Variants in RNF220 observed in about 807,000 individuals in gnomAD.
The protein encoded by RNF220 is E3 ubiquitin-protein ligase RNF220.
RNF220 carries 7 observed loss-of-function variants against 67.1 expected under a neutral mutation model. That is an observed-to-expected ratio of 0.10 (90% confidence interval 0.06 to 0.20). The LOEUF (loss-of-function observed/expected upper bound fraction) is 0.20. Ranked by LOEUF, RNF220 falls within the 10% of genes least tolerant of loss-of-function variation. RNF220 has a pLI of 1.00. For missense variants in RNF220, 565 were observed against 740.3 expected (o/e 0.76, Z 2.75); for synonymous variants, 270 against 283.2 (o/e 0.95, Z 0.47).
rs1488897062 is a variant in RNF220 at position 44,632,113 on chromosome 1, C to T, written c.907-230C>T. The T allele has an allele frequency of 9.5e-6, 14 of 1,480,164 alleles. No homozygotes were observed. The Admixed American group carries it at 2.5e-4, about 27-fold the overall frequency. 91.7% of individuals were successfully genotyped at this position (1,480,164 alleles called of 1,614,324 possible). ...GGAGGCCAGGGCTGGGGCGGCACCG[C>T]GCAGCGGCCACGGGGTCCCGTTAGA... On this transcript the variant is annotated intron_variant, in intron 5 of 14. Coordinates refer to ENST00000361799, the MANE Select transcript of RNF220 (RefSeq NM_018150.4).
chr1:44,535,203 C>T (rs558312260), intron 2 of RNF220, among the ~76,000 whole-genome samples: 36 of 145,086 alleles, frequency 2.5e-4, no homozygotes, highest in Admixed American at 1.6e-3. Context: ...TGCAGTGGCA[C>T]GATTTCAGCT....
chr1:44,544,611 G>A lies in RNF220; in HGVS notation c.626-69554G>A, dbSNP rs117851110. Among the ~76,000 whole-genome samples, 275 of 152,340 alleles carry A rather than the reference G, an allele frequency of 1.8e-3. 2 individuals are homozygous for A. Among genetic ancestry groups the A allele is most frequent in the Non-Finnish European group, 2.9e-3 (199 of 68,034 alleles). Reference sequence around the variant, plus strand: ...TGAGGGCTCTATAGAACTGTCCTCCGGAGAAGGAGGGAAGTGCATCTCTAG... The same window carrying A: ...TGAGGGCTCTATAGAACTGTCCTCCAGAGAAGGAGGGAAGTGCATCTCTAG... On this transcript the variant is annotated intron_variant, in intron 2 of 14. Coordinates refer to ENST00000361799, the MANE Select transcript of RNF220 (RefSeq NM_018150.4).
chr1:44,566,269 C>A (rs1244814110), intron 2 of RNF220, among the ~76,000 whole-genome samples: 2 of 152,172 alleles, frequency 1.3e-5, no homozygotes, highest in African/African-American at 2.4e-5. Flanking sequence ...CTGGGGTCGA[C>A]CTTCCAGTTC....
At chr1:44,413,387 T>G (rs1648184674) in intron 2 of RNF220, among the ~76,000 whole-genome samples, 1 of 152,248 alleles carries the variant, frequency 6.6e-6, no homozygotes, top group South Asian at 2.1e-4. Flanking sequence ...ACGGTTGACC[T>G]GTGTGACTGC....
chr1:44,505,922 C>T (rs1658375739), intron 2 of RNF220, among the ~76,000 whole-genome samples: 1 of 152,082 alleles, frequency 6.6e-6, no homozygotes, highest in Non-Finnish European at 1.5e-5. Context: ...CAGTCTCCGC[C>T]CTACTCTGGT....
At chr1:44,485,249 T>C (rs1474596855) in intron 2 of RNF220, among the ~76,000 whole-genome samples, 1 of 152,220 alleles carries the variant, frequency 6.6e-6, no homozygotes, top group Admixed American at 6.5e-5. Flanking sequence ...ATTTTATATT[T>C]GAGGCAAATG....
At chr1:44,470,731 C>G (rs1422173943) in intron 2 of RNF220, among the ~76,000 whole-genome samples, 6 of 152,216 alleles carry the variant, frequency 3.9e-5, no homozygotes, top group South Asian at 2.1e-4. Context: ...CCTTAAACTT[C>G]TTGCTCTCTA....
chr1:44,439,541 T>G (rs1651344013), intron 2 of RNF220, among the ~76,000 whole-genome samples: 1 of 152,046 alleles, frequency 6.6e-6, no homozygotes, highest in South Asian at 2.1e-4. Flanking sequence ...TTTTATTTAT[T>G]TTTATTTTAT....
At position 44,632,403 on chromosome 1, in the gene RNF220, C is replaced by CCCGG; in HGVS notation, c.949+19_949+20insCGGC. On this transcript the variant is annotated intron_variant, in intron 6 of 14. Coordinates refer to ENST00000361799, the MANE Select transcript of RNF220 (RefSeq NM_018150.4). ...ACTGAATGGTGAGTCCTGCCCGGCCCCTCCCTCCGCCCCACCCCCGGCCTC... is the reference window on the plus strand; with the variant it reads ...ACTGAATGGTGAGTCCTGCCCGGCCCCCGGCTCCCTCCGCCCCACCCCCGGCCTC... The CCCGG allele has an allele frequency of 2.5e-6, 4 of 1,604,548 alleles. No homozygotes were observed. The highest frequency in any genetic ancestry group is 3.4e-6 in the Non-Finnish European group (4 of 1,175,150).
chr1:44,559,849 G>A (rs1429632287), intron 2 of RNF220, among the ~76,000 whole-genome samples: 1 of 152,236 alleles, frequency 6.6e-6, no homozygotes, highest in African/African-American at 2.4e-5. Flanking sequence ...CATAATTTCT[G>A]AAGAACTTTG....
At chr1:44,583,656 G>A (rs573338026) in intron 2 of RNF220, among the ~76,000 whole-genome samples, 2 of 152,328 alleles carry the variant, frequency 1.3e-5, no homozygotes, top group East Asian at 3.9e-4. Flanking sequence ...ATCAGTAGAA[G>A]GCATTATTCA....
At chr1:44,557,108 T>G (rs1214655306) in intron 2 of RNF220, among the ~76,000 whole-genome samples, 46 of 148,030 alleles carry the variant, frequency 3.1e-4, no homozygotes, top group Non-Finnish European at 4.5e-5. Flanking sequence ...TATATATGTA[T>G]GTATATGTAT....
At chr1:44,483,856 C>T (rs1439291308) in intron 2 of RNF220, among the ~76,000 whole-genome samples, 1 of 152,194 alleles carries the variant, frequency 6.6e-6, no homozygotes, top group Non-Finnish European at 1.5e-5. Context: ...CTTGAGCCTT[C>T]CAAAACGTAT....
At chr1:44,500,346 T>C (rs1011992626) in intron 2 of RNF220, among the ~76,000 whole-genome samples, 1 of 152,216 alleles carries the variant, frequency 6.6e-6, no homozygotes, top group Non-Finnish European at 1.5e-5. Flanking sequence ...CTCCTTCCTA[T>C]GTCTAAATTC....
At chr1:44,536,289 T>C (rs1661216138) in intron 2 of RNF220, among the ~76,000 whole-genome samples, 1 of 152,166 alleles carries the variant, frequency 6.6e-6, no homozygotes, top group Non-Finnish European at 1.5e-5. Context: ...CAGAACATCT[T>C]CTCAGAACAA....
At chr1:44,590,555 G>T (rs1227353625) in intron 2 of RNF220, among the ~76,000 whole-genome samples, 1 of 152,222 alleles carries the variant, frequency 6.6e-6, no homozygotes, top group Non-Finnish European at 1.5e-5. Flanking sequence ...AAACTTGGGT[G>T]ATTCTCTGCT....
intron 1 of RNF220, among the ~76,000 whole-genome samples, chr1:44,407,597 CAG>C (rs1647484257): frequency 6.6e-6 from 1 of 152,038 alleles, no homozygotes; most frequent in Non-Finnish European, 1.5e-5. Context: ...TGGTGGCCGA[CAG>C]GGCCGGGGCC....
intron 2 of RNF220, among the ~76,000 whole-genome samples, chr1:44,463,118 CCTG>C (rs1653942468): frequency 6.6e-6 from 1 of 152,100 alleles, no homozygotes. Flanking sequence ...GGGCAGATCA[CCTG>C]AGGTCGGGAG....
rs545924344 is a variant in RNF220 at position 44,530,515 on chromosome 1, C to T, written c.626-83650C>T. Among the ~76,000 whole-genome samples, 9 of 131,112 alleles carry T rather than the reference C, an allele frequency of 6.9e-5. No homozygotes were observed. In the East Asian group the frequency reaches 1.7e-3, roughly 25 times the overall value. The allele number at this position is 131,112 out of a possible 152,430, so 86.0% of individuals were successfully genotyped here. The stretch of plus-strand genomic sequence containing the variant: ...AATCAACATTGTGATAATGCACTTT[C>T]ATGGAGTCAAATCTGCAAAAAAAAA... On this transcript the variant is annotated intron_variant, in intron 2 of 14. Coordinates refer to ENST00000361799, the MANE Select transcript of RNF220 (RefSeq NM_018150.4).
Sources: allele counts gnomAD v4.1 joint callset (sites outside exome capture counted in the v4.1 genomes callset), GRCh38; gene constraint gnomAD v4.1.1; transcripts MANE v1.5; gene names NCBI Gene and HGNC (gene_info 2026-07-23, HGNC 2026-07-21).